CLASP1: variants seen among roughly 807,000 people sequenced by gnomAD.
CLASP1 encodes CLIP-associating protein 1.
Under a neutral mutation model 192.3 loss-of-function variants are expected in CLASP1, and 38 were observed. That is an observed-to-expected ratio of 0.20 (90% CI 0.15 to 0.26). The LOEUF (loss-of-function observed/expected upper bound fraction) is 0.26. CLASP1 is among the 10% of genes least tolerant of loss of function. The pLI is 1.00. For missense variants in CLASP1, 1,433 were observed against 1,932.5 expected, an observed-to-expected ratio of 0.74 and a Z score of 4.85; for synonymous variants, 691 against 712.8, an observed-to-expected ratio of 0.97 and a Z score of 0.49.
chr2:121,530,962 GCA>G (rs1559534654), intron 2 of CLASP1: 1 of 700,380 alleles, frequency 1.4e-6, no homozygotes, highest in East Asian at 2.7e-5. Context: ...CAACACACCC[GCA>G]TCAACTAGAG....
At chr2:121,387,267 G>C in intron 31 of CLASP1, 39 bp from the exon 33 acceptor site, 1 of 1,313,786 alleles carries the variant, frequency 7.6e-7, no homozygotes, top group Non-Finnish European at 1.0e-6. Flanking sequence ...TTCAAGGGCT[G>C]TATATAGAAT....
exon 25 of CLASP1, chr2:121,407,665 A>G: frequency 6.2e-7 from 1 of 1,614,040 alleles, no homozygotes; most frequent in Non-Finnish European, 8.5e-7. Context: ...TGTTGGCATC[A>G]TCGTCAGAAT....
chr2:121,645,161 T>C (rs1027746004), intron 1 of CLASP1, among the ~76,000 whole-genome samples: 2 of 152,190 alleles, frequency 1.3e-5, no homozygotes, highest in Non-Finnish European at 2.9e-5. Context: ...ACCCTCTTGG[T>C]ACCTGATGCT....
At chr2:121,397,035 T>C (rs911683613) in intron 30 of CLASP1, 105 bp downstream of exon 31, 1 of 1,049,498 alleles carries the variant, frequency 9.5e-7, no homozygotes, top group Non-Finnish European at 1.5e-6. Context: ...GCCTTAGTGA[T>C]ATAGGTTTGT....
chr2:121,492,395 A>AC (rs1265403776), intron 8 of CLASP1, among the ~76,000 whole-genome samples: 1 of 137,228 alleles, frequency 7.3e-6, no homozygotes, highest in African/African-American at 2.6e-5. Flanking sequence ...TCTCCAAAAA[A>AC]AAAAAAAAAA....
intron 7 of CLASP1, among the ~76,000 whole-genome samples, chr2:121,511,769 A>G (rs531963982): frequency 1.3e-5 from 2 of 152,352 alleles, no homozygotes; most frequent in African/African-American, 4.8e-5. Flanking sequence ...GAGCAGAAAA[A>G]GGCAGAAAGA....
chr2:121,469,118 T>C (rs1391210336), intron 9 of CLASP1, among the ~76,000 whole-genome samples: 1 of 152,178 alleles, frequency 6.6e-6, no homozygotes, highest in African/African-American at 2.4e-5. Flanking sequence ...TTCTACAGAT[T>C]GTCTTTGAGG....
At chr2:121,534,792 G>T (rs2095001490) in intron 2 of CLASP1, among the ~76,000 whole-genome samples, 1 of 152,124 alleles carries the variant, frequency 6.6e-6, no homozygotes, top group Non-Finnish European at 1.5e-5. Context: ...CTCCCAAAGT[G>T]CTGGGATTAC....
chr2:121,456,668 C>T (rs1018850911), intron 14 of CLASP1, among the ~76,000 whole-genome samples: 4 of 151,984 alleles, frequency 2.6e-5, no homozygotes, highest in Non-Finnish European at 5.9e-5. Context: ...AATTTTAAAA[C>T]GACAAATATA....
chr2:121,485,677 A>G (rs527516051), intron 8 of CLASP1, among the ~76,000 whole-genome samples: 12 of 152,140 alleles, frequency 7.9e-5, no homozygotes, highest in Non-Finnish European at 1.6e-4. Context: ...CTGCCTGGCC[A>G]ACACAGTAAA....
intron 2 of CLASP1, among the ~76,000 whole-genome samples, chr2:121,588,850 G>C (rs1036981721): frequency 4.6e-5 from 7 of 152,176 alleles, no homozygotes; most frequent in Non-Finnish European, 8.8e-5. Context: ...TAGGAGACTT[G>C]GCACTCCTTG....
chr2:121,446,600 T>C (rs2084388280), intron 19 of CLASP1, among the ~76,000 whole-genome samples: 1 of 152,232 alleles, frequency 6.6e-6, no homozygotes, highest in Non-Finnish European at 1.5e-5. Flanking sequence ...TTGAATGAAT[T>C]GGCTCTTACA....
chr2:121,638,674 T>A (rs1256114278), intron 1 of CLASP1, among the ~76,000 whole-genome samples: 5 of 149,432 alleles, frequency 3.3e-5, no homozygotes, highest in Admixed American at 6.6e-5. Flanking sequence ...TTTTTTATTT[T>A]TTTTTTTTTT....
At chr2:121,519,010 T>C (rs994017142) in intron 6 of CLASP1, among the ~76,000 whole-genome samples, 23 of 152,232 alleles carry the variant, frequency 1.5e-4, no homozygotes, top group African/African-American at 4.8e-4. Context: ...TCTCAATGGG[T>C]GATCTCTTTA....
At chr2:121,565,218 G>T (rs148775346) in intron 2 of CLASP1, among the ~76,000 whole-genome samples, 1 of 152,306 alleles carries the variant, frequency 6.6e-6, no homozygotes, top group East Asian at 1.9e-4. Flanking sequence ...CCCAGGCTAC[G>T]TGGATATAGG....
At chr2:121,609,770 GTC>G (rs1362897297) in intron 1 of CLASP1, among the ~76,000 whole-genome samples, 5 of 151,976 alleles carry the variant, frequency 3.3e-5, no homozygotes, top group African/African-American at 9.7e-5. Flanking sequence ...GTGAAACCCT[GTC>G]TCTACTAAAA....
At chr2:121,362,416 G>A (rs908469450) in intron 37 of CLASP1, among the ~76,000 whole-genome samples, 95 of 152,308 alleles carry the variant, frequency 6.2e-4, no homozygotes, top group Non-Finnish European at 1.9e-4. Context: ...TGTGGCATGT[G>A]TGCAGGACAC....
In CLASP1 at chr2:121,384,086, GTATATATACACACATATATATGTATA is replaced by G. The variant is rs1351585910; in HGVS notation, c.3375-1788_3375-1763del. The stretch of plus-strand genomic sequence containing the variant: ...TATATATACACACACACATATATAT[GTATATATACACACATATATATGTATA>G]TATATATACACACATATATATGTAT... On this transcript the variant is annotated intron_variant, in intron 32 of 39. Transcript: ENST00000263710. Among the ~76,000 whole-genome samples, 880 of 98,702 alleles carry G rather than the reference GTATATATACACACATATATATGTATA, an allele frequency of 8.9e-3. 8 individuals carry two copies. The highest frequency in any genetic ancestry group is 0.026 in the African/African-American group (704 of 27,460). 64.8% of individuals were successfully genotyped at this position (98,702 alleles called of 152,430 possible).
intron 8 of CLASP1, among the ~76,000 whole-genome samples, chr2:121,494,129 T>C (rs541070120): frequency 1.3e-5 from 2 of 152,312 alleles, no homozygotes; most frequent in Admixed American, 1.3e-4. Flanking sequence ...AATCAGTATA[T>C]TGAAGAGATA....
Sources: gnomAD v4.1 joint callset for allele counts (sites outside exome capture counted in the v4.1 genomes callset) on GRCh38, gnomAD v4.1.1 for gene constraint, MANE v1.5 for transcripts, NCBI Gene and HGNC (gene_info 2026-07-23, HGNC 2026-07-21) for gene names.